Variants in SMCO4 observed in about 807,000 individuals in gnomAD.
SMCO4 encodes the protein single-pass membrane protein with coiled-coil domains 4, also known as single-pass membrane and coiled-coil domain-containing protein 4.
Under a neutral mutation model 3.6 loss-of-function variants are expected in SMCO4, and 4 were observed. The ratio of observed to expected loss-of-function variants is 1.11; its 90% CI spans 0.54 to 2.53. The LOEUF is 2.53. Ranked by LOEUF, SMCO4 falls within the 30% of genes most tolerant of loss-of-function variation. The pLI, the probability that SMCO4 is intolerant of heterozygous loss-of-function variation, is 0.02. For missense variants in SMCO4, 70 were observed against 80.8 expected (o/e 0.87, Z 0.51); for synonymous variants, 36 against 35.3 (o/e 1.02, Z -0.07).
chr11:93,552,807 T>C, the SMCO4 span, among the ~76,000 whole-genome samples: 1 of 151,920 alleles, frequency 6.6e-6, no homozygotes, highest in Non-Finnish European at 1.5e-5. Flanking sequence ...TGTTTTCTCT[T>C]TTGCCTACCT....
At chr11:93,517,025 C>T (rs1949013977) in intron 1 of SMCO4, among the ~76,000 whole-genome samples, 1 of 152,034 alleles carries the variant, frequency 6.6e-6, no homozygotes. Flanking sequence ...GTCCTCTACT[C>T]AGCTGGAAGG....
At chr11:93,504,731 T>C (rs1948882341) in intron 1 of SMCO4, among the ~76,000 whole-genome samples, 1 of 152,164 alleles carries the variant, frequency 6.6e-6, no homozygotes, top group Admixed American at 6.5e-5. Context: ...TTCATACAAA[T>C]AGTATATTAA....
At chr11:93,494,040 G>A (rs554435193) in intron 2 of SMCO4, among the ~76,000 whole-genome samples, 1 of 152,146 alleles carries the variant, frequency 6.6e-6, no homozygotes, top group African/African-American at 2.4e-5. Context: ...CTGTTTCTCT[G>A]CCTTCACCTT....
chr11:93,488,129 G>A (rs1246318523), intron 2 of SMCO4, among the ~76,000 whole-genome samples: 1 of 152,214 alleles, frequency 6.6e-6, no homozygotes, highest in Non-Finnish European at 1.5e-5. Context: ...ATCAGGGAAG[G>A]CTTCATGAGA....
intron 1 of SMCO4, among the ~76,000 whole-genome samples, chr11:93,517,021 T>C (rs555584983): frequency 6.6e-6 from 1 of 152,066 alleles, no homozygotes; most frequent in Non-Finnish European, 1.5e-5. Context: ...CTTTGTCCTC[T>C]ACTCAGCTGG....
intron 2 of SMCO4, among the ~76,000 whole-genome samples, chr11:93,491,504 A>T (rs1948717248): frequency 6.6e-6 from 1 of 152,198 alleles, no homozygotes; most frequent in Non-Finnish European, 1.5e-5. Flanking sequence ...GCTCTACTGC[A>T]TCACAGGCTC....
intron 2 of SMCO4, among the ~76,000 whole-genome samples, chr11:93,483,937 A>G (rs1948620169): frequency 6.6e-6 from 1 of 152,156 alleles, no homozygotes; most frequent in Non-Finnish European, 1.5e-5. Flanking sequence ...GAAATAAATG[A>G]AGCTCACACG....
chr11:93,512,580 A>C (rs1245952308), intron 1 of SMCO4, among the ~76,000 whole-genome samples: 1 of 152,226 alleles, frequency 6.6e-6, no homozygotes, highest in Non-Finnish European at 1.5e-5. Context: ...AGATACACAA[A>C]TGCTTACCAT....
intron 1 of SMCO4, among the ~76,000 whole-genome samples, chr11:93,504,527 T>C (rs946117951): frequency 6.6e-6 from 1 of 152,226 alleles, no homozygotes; most frequent in Non-Finnish European, 1.5e-5. Context: ...TTAATAAACA[T>C]GTAAATGTTT....
chr11:93,538,372 A>T (rs1229040318), intron 1 of SMCO4, among the ~76,000 whole-genome samples: 1 of 152,198 alleles, frequency 6.6e-6, no homozygotes, highest in Non-Finnish European at 1.5e-5. Flanking sequence ...ACTGAGGACC[A>T]AACCCTGGTG....
intron 1 of SMCO4, among the ~76,000 whole-genome samples, chr11:93,503,731 A>G (rs905867418): frequency 6.6e-6 from 1 of 152,228 alleles, no homozygotes; most frequent in Non-Finnish European, 1.5e-5. Flanking sequence ...AGGCTGGGAG[A>G]GCAAGGAGTG....
chr11:93,545,320 G>A (rs563144983), upstream of SMCO4, among the ~76,000 whole-genome samples: 1 of 152,244 alleles, frequency 6.6e-6, no homozygotes, highest in East Asian at 1.9e-4. Flanking sequence ...GGGCGTGGTG[G>A]CTTACCCCTG....
chr11:93,528,288 C>T (rs1949130141), intron 1 of SMCO4, among the ~76,000 whole-genome samples: 1 of 152,180 alleles, frequency 6.6e-6, no homozygotes, highest in African/African-American at 2.4e-5. Flanking sequence ...ACAAAAACTT[C>T]TCACAACATC....
intron 2 of SMCO4, among the ~76,000 whole-genome samples, chr11:93,488,167 G>A (rs2134577326): frequency 6.6e-6 from 1 of 152,320 alleles, no homozygotes; most frequent in South Asian, 2.1e-4. Context: ...AGACTTGAAG[G>A]GACCTGTGCA....
upstream of SMCO4, among the ~76,000 whole-genome samples, chr11:93,545,588 CAAAAAAAAA>C (rs143549634): frequency 4.7e-5 from 4 of 85,974 alleles, no homozygotes; most frequent in Admixed American, 4.6e-4. Context: ...AACTCTGTCT[CAAAAAAAAA>C]AAAAAAAAAA....
At chr11:93,487,118 C>A (rs540451010) in intron 2 of SMCO4, among the ~76,000 whole-genome samples, 171 of 152,276 alleles carry the variant, frequency 1.1e-3, no homozygotes, top group African/African-American at 3.8e-3. Flanking sequence ...GACATAAATT[C>A]TGCACTTGAG....
chr11:93,536,773 C>G (rs1949229622), intron 1 of SMCO4, among the ~76,000 whole-genome samples: 1 of 152,126 alleles, frequency 6.6e-6, no homozygotes. Context: ...TTACATATTA[C>G]CTATATGATT....
At chr11:93,540,931 A>G (rs1055191723) in intron 1 of SMCO4, among the ~76,000 whole-genome samples, 5 of 152,240 alleles carry the variant, frequency 3.3e-5, no homozygotes, top group Admixed American at 1.3e-4. Flanking sequence ...AAATTGTTTA[A>G]TAATAAAATA....
Position 93,478,660 on chromosome 11 carries a change from T to G in SMCO4, c.*350A>C, listed in dbSNP as rs1185361681. 2 of 217,888 alleles carry G rather than the reference T, an allele frequency of 9.2e-6. No individual in the cohort carries two copies. The highest frequency in any genetic ancestry group is 1.7e-5 in the Non-Finnish European group (2 of 117,150). 13.5% of individuals were successfully genotyped at this position (217,888 alleles called of 1,614,324 possible). Reference sequence around the variant, plus strand: ...TTCCAGCTGTTTCCTGACCCAGAGGTTCCATCCCTCTTCAGGTGGAGCTAC... The same window carrying G: ...TTCCAGCTGTTTCCTGACCCAGAGGGTCCATCCCTCTTCAGGTGGAGCTAC... On this transcript the variant is annotated 3_prime_UTR_variant, in exon 3 of 3. Transcript: ENST00000298966.
Sources: allele counts gnomAD v4.1 joint callset (sites outside exome capture counted in the v4.1 genomes callset), GRCh38; gene constraint gnomAD v4.1.1; transcripts MANE v1.5; gene names NCBI Gene and HGNC (gene_info 2026-07-23, HGNC 2026-07-21).